Variants in KCNJ4 observed in about 807,000 individuals in gnomAD.
KCNJ4 encodes the protein potassium inwardly rectifying channel subfamily J member 4.
Under a neutral mutation model 25.6 loss-of-function variants are expected in KCNJ4, and 3 were observed. The observed-to-expected ratio is 0.12, with a 90% CI of 0.05 to 0.30. The LOEUF (loss-of-function observed/expected upper bound fraction) is 0.30. KCNJ4 is among the 10% of genes least tolerant of loss of function. KCNJ4 has a pLI of 1.00. For missense variants in KCNJ4, 286 were observed against 666.8 expected, an observed-to-expected ratio of 0.43 and a Z score of 6.29; for synonymous variants, 257 against 283.9, an observed-to-expected ratio of 0.91 and a Z score of 0.95.
intron 1 of KCNJ4, among the ~76,000 whole-genome samples, chr22:38,450,787 C>G (rs896650492): frequency 6.6e-6 from 1 of 152,228 alleles, no homozygotes; most frequent in Non-Finnish European, 1.5e-5. Context: ...ATGGTGGTAT[C>G]TGTCTTCAGA....
chr22:38,452,997 G>C (rs1407295312), intron 1 of KCNJ4, among the ~76,000 whole-genome samples: 1 of 151,402 alleles, frequency 6.6e-6, no homozygotes, highest in Non-Finnish European at 1.5e-5. Flanking sequence ...CCGCAGAGGG[G>C]CCCCCTCCTC....
Position 38,427,309 on chromosome 22 carries a change from C to T in KCNJ4, c.824G>A (p.Gly275Asp). The change falls in exon 2 of 2, where the codon GGC becomes GAC. Residue 275 changes from glycine to aspartate, a missense_variant. By Grantham distance (94) the Gly-to-Asp change is moderately conservative. Transcript: ENST00000303592. ...IDEDSPLYGM[G>D]KEELESEDFE... ...GTCCTCCGACTCCAGCTCCTCCTTG[C>T]CCATGCCATAAAGCGGGCTGTCCTC... 1.2e-6 allele frequency: 2 copies of T among 1,614,044 alleles called. No homozygotes were observed. Among genetic ancestry groups the T allele is most frequent in the Non-Finnish European group, 1.7e-6 (2 of 1,180,014 alleles).
intron 1 of KCNJ4, 93 bp from the exon 2 acceptor site, chr22:38,428,264 T>C (rs1048248710): frequency 8.2e-7 from 1 of 1,216,648 alleles, no homozygotes; most frequent in East Asian, 2.3e-5. Flanking sequence ...CAGAAGCAGG[T>C]GAGCCTGGAC....
intron 1 of KCNJ4, among the ~76,000 whole-genome samples, chr22:38,450,586 G>A (rs1027232559): frequency 3.3e-5 from 5 of 151,878 alleles, no homozygotes; most frequent in Non-Finnish European, 5.9e-5. Flanking sequence ...CTGCATTCCC[G>A]ACCTCACACC....
chr22:38,437,303 C>T (rs752840667), intron 1 of KCNJ4, among the ~76,000 whole-genome samples: 1 of 152,256 alleles, frequency 6.6e-6, no homozygotes, highest in African/African-American at 2.4e-5. Context: ...TTTCAACCCA[C>T]AGGTGTGCCC....
chr22:38,440,551 TAATA>T (rs771774589), intron 1 of KCNJ4, among the ~76,000 whole-genome samples: 20 of 152,210 alleles, frequency 1.3e-4, no homozygotes, highest in Non-Finnish European at 2.4e-4. Context: ...CAAAAGATAA[TAATA>T]AATAAAAATA....
Position 38,443,255 on chromosome 22 carries a change from G to A in KCNJ4, c.-40+11725C>T, listed in dbSNP as rs1394781609. ...CTCTGGCCTCTCCATGACCCACACC[G>A]TGCAGTGCCCAGCTCCGCCATCCCA... On this transcript the variant is annotated intron_variant, in intron 1 of 1. Coordinates refer to ENST00000303592, the MANE Select transcript of KCNJ4 (RefSeq NM_152868.3). The surrounding 1 kb of genome is among the most constrained non-coding windows in gnomAD (Gnocchi z 4.1). Among the ~76,000 whole-genome samples, 1 of 151,886 alleles carries A rather than the reference G, an allele frequency of 6.6e-6. No homozygotes were observed. The highest frequency in any genetic ancestry group is 1.9e-4 in the East Asian group (1 of 5,172).
At position 38,426,875 on chromosome 22, in the gene KCNJ4, C is replaced by G; in HGVS notation, c.1258G>C (p.Gly420Arg). ...EAGIIRMLEF[G>R]SHLDLERMQA... is the part of the protein sequence containing the mutation. ...ATGCGCTCCAGGTCCAGGTGGCTGC[C>G]GAACTCCAGCATCCGGATGATGCCC... The change falls in exon 2 of 2, where the codon GGC (glycine) becomes CGC (arginine). Residue 420 changes from glycine to arginine, a missense_variant. Coordinates refer to ENST00000303592, the MANE Select transcript of KCNJ4 (RefSeq NM_152868.3). The G allele has an allele frequency of 6.2e-7, 1 of 1,613,334 alleles. No individual in the cohort carries two copies. Among genetic ancestry groups the G allele is most frequent in the Non-Finnish European group, 8.5e-7 (1 of 1,179,946 alleles).
At position 38,426,535 on chromosome 22, in the gene KCNJ4, G is replaced by T. The variant is rs12167479; in HGVS notation, c.*260C>A. ...AGGGCACGTCCTTGAAGAGTCAGTG[G>T]GGGAAGGGTGGTGGATCCGGGGACC... On this transcript the variant is annotated 3_prime_UTR_variant, in exon 2 of 2. Coordinates refer to ENST00000303592, the MANE Select transcript of KCNJ4 (RefSeq NM_152868.3). The T allele has an allele frequency of 0.027, 12,676 of 469,740 alleles. 237 individuals carry two copies. Among genetic ancestry groups the T allele is most frequent in the Non-Finnish European group, 0.037 (9,745 of 264,772 alleles). 29.1% of individuals were successfully genotyped at this position (469,740 alleles called of 1,614,324 possible).
At chr22:38,434,998 CA>C (rs1328523995) in intron 1 of KCNJ4, among the ~76,000 whole-genome samples, 3 of 152,186 alleles carry the variant, frequency 2.0e-5, no homozygotes, top group Non-Finnish European at 4.4e-5. Flanking sequence ...ATGGTGATGA[CA>C]AAGATGCAGA....
intron 1 of KCNJ4, among the ~76,000 whole-genome samples, chr22:38,437,085 C>T (rs542017880): frequency 6.6e-6 from 1 of 152,364 alleles, no homozygotes; most frequent in African/African-American, 2.4e-5. Flanking sequence ...GGAGACCAAG[C>T]TTTGGGCTCC....
At chr22:38,447,524 C>T (rs2089383084) in intron 1 of KCNJ4, among the ~76,000 whole-genome samples, 1 of 152,180 alleles carries the variant, frequency 6.6e-6, no homozygotes, top group Non-Finnish European at 1.5e-5. Flanking sequence ...GGTACCTTCA[C>T]ACTCACAGGG....
chr22:38,445,921 G>T (rs1004226892), intron 1 of KCNJ4, among the ~76,000 whole-genome samples: 2 of 152,130 alleles, frequency 1.3e-5, no homozygotes, highest in Non-Finnish European at 2.9e-5. Context: ...AACCATGTGG[G>T]GAATTGTTGG....
chr22:38,431,098 A>C (rs936734488), intron 1 of KCNJ4, among the ~76,000 whole-genome samples: 16 of 152,314 alleles, frequency 1.1e-4, no homozygotes, highest in African/African-American at 3.8e-4. Context: ...CAGGCCTTCA[A>C]CGGGTGAGGT....
intron 1 of KCNJ4, among the ~76,000 whole-genome samples, chr22:38,446,400 G>A (rs1000382913): frequency 6.6e-6 from 1 of 152,230 alleles, no homozygotes; most frequent in African/African-American, 2.4e-5. Flanking sequence ...GGTGGGCTCA[G>A]GATCTGAAGC....
intron 1 of KCNJ4, among the ~76,000 whole-genome samples, chr22:38,432,827 C>T (rs557086022): frequency 8.4e-4 from 127 of 151,956 alleles, no homozygotes; most frequent in African/African-American, 2.9e-3. Context: ...AAAAATTAGC[C>T]GGGCATGATG....
At chr22:38,428,471 C>G (rs1424990932) in intron 1 of KCNJ4, among the ~76,000 whole-genome samples, 3 of 152,228 alleles carry the variant, frequency 2.0e-5, no homozygotes, top group Non-Finnish European at 4.4e-5. Context: ...CCTATGCTCA[C>G]TGTTCTGGAA....
At chr22:38,435,400 T>C (rs895484265) in intron 1 of KCNJ4, among the ~76,000 whole-genome samples, 8 of 152,118 alleles carry the variant, frequency 5.3e-5, no homozygotes, top group African/African-American at 1.7e-4. Context: ...CTGGAAGAAA[T>C]AGACAGAATT....
intron 1 of KCNJ4, among the ~76,000 whole-genome samples, chr22:38,446,976 A>G (rs1214408200): frequency 2.7e-5 from 4 of 150,264 alleles, no homozygotes; most frequent in Non-Finnish European, 5.9e-5. Context: ...AAAAAGAAAC[A>G]GAGGCAAACG....
Sources: gnomAD v4.1 joint callset for allele counts (sites outside exome capture counted in the v4.1 genomes callset) on GRCh38, gnomAD v4.1.1 for gene constraint, Gnocchi (gnomAD v3.1) non-coding constraint, MANE v1.5 for transcripts, NCBI Gene and HGNC (gene_info 2026-07-23, HGNC 2026-07-21) for gene names.